NCOA7: variants seen among roughly 807,000 people sequenced by gnomAD.
NCOA7 encodes 140 kDa estrogen receptor-associated protein.
In NCOA7, 45 loss-of-function variants were observed where a neutral mutation model predicts 104.3. The ratio of observed to expected loss-of-function variants is 0.43; its 90% CI spans 0.34 to 0.55. The LOEUF is 0.55. Ranked by LOEUF, NCOA7 falls within the 20% of genes least tolerant of loss-of-function variation. NCOA7 has a pLI of 0.02. For synonymous variants in NCOA7, 398 were observed against 402.3 expected (o/e 0.99, Z 0.13); for missense variants, 1,041 against 1,119.7 (o/e 0.93, Z 1.00).
intron 1 of NCOA7, among the ~76,000 whole-genome samples, chr6:125,800,148 G>A (rs552870614): frequency 3.3e-5 from 5 of 152,250 alleles, no homozygotes; most frequent in African/African-American, 1.2e-4. Context: ...TTAAAATATT[G>A]CTTGTTTGAT....
chr6:125,844,230 A>T (rs1780404858), intron 2 of NCOA7, among the ~76,000 whole-genome samples: 1 of 152,240 alleles, frequency 6.6e-6, no homozygotes, highest in African/African-American at 2.4e-5. Context: ...ATGTGTACCC[A>T]TCTGAAGGAT....
intron 3 of NCOA7, among the ~76,000 whole-genome samples, chr6:125,873,927 TG>T (rs1783135939): frequency 6.6e-6 from 1 of 152,264 alleles, no homozygotes; most frequent in Non-Finnish European, 1.5e-5. Flanking sequence ...AGTACGGTTC[TG>T]GGGTTTCTGA....
chr6:125,802,100 C>T (rs568738399), intron 1 of NCOA7, among the ~76,000 whole-genome samples: 16 of 152,172 alleles, frequency 1.1e-4, no homozygotes, highest in African/African-American at 3.4e-4. Context: ...GTCTTGTCTC[C>T]GGGCTTTGAT....
intron 1 of NCOA7, chr6:125,798,238 T>C (rs533170085): frequency 9.8e-5 from 15 of 152,344 alleles, no homozygotes; most frequent in African/African-American, 3.1e-4. Flanking sequence ...ACTGATATAG[T>C]AGAAAGGTTA....
intron 2 of NCOA7, among the ~76,000 whole-genome samples, chr6:125,843,876 G>C (rs1780370475): frequency 6.6e-6 from 1 of 152,192 alleles, no homozygotes; most frequent in Non-Finnish European, 1.5e-5. Flanking sequence ...ACAAAGGGCT[G>C]TTTTGTTTTA....
intron 10 of NCOA7, among the ~76,000 whole-genome samples, chr6:125,896,835 T>G (rs1226924819): frequency 6.6e-6 from 1 of 152,214 alleles, no homozygotes; most frequent in Non-Finnish European, 1.5e-5. Flanking sequence ...AATATAAAAA[T>G]GTATAATACA....
intron 12 of NCOA7, 30 bp from the exon 13 acceptor site, chr6:125,922,652 C>G (rs774077428): frequency 3.1e-6 from 5 of 1,597,198 alleles, no homozygotes; most frequent in Non-Finnish European, 4.3e-6. Context: ...GGTGAACCTT[C>G]TGTTTACATC....
At chr6:125,823,836 G>A (rs1778417324) in intron 2 of NCOA7, among the ~76,000 whole-genome samples, 1 of 151,896 alleles carries the variant, frequency 6.6e-6, no homozygotes, top group Non-Finnish European at 1.5e-5. Flanking sequence ...TTTTTTAATG[G>A]AACAGAACAG....
upstream of NCOA7, among the ~76,000 whole-genome samples, chr6:125,790,174 C>T (rs1774698809): frequency 6.6e-6 from 1 of 152,196 alleles, no homozygotes; most frequent in Non-Finnish European, 1.5e-5. Context: ...AGATGGTGGG[C>T]CCCTCTGTTA....
intron 13 of NCOA7, among the ~76,000 whole-genome samples, chr6:125,924,709 TCA>T (rs1021619177): frequency 6.6e-6 from 1 of 152,138 alleles, no homozygotes; most frequent in Non-Finnish European, 1.5e-5. Flanking sequence ...CTAATTAATC[TCA>T]GTTATAACAG....
At chr6:125,927,871 G>C (rs533918211) in intron 14 of NCOA7, 113 bp downstream of exon 14, 1 of 921,174 alleles carries the variant, frequency 1.1e-6, no homozygotes, top group Non-Finnish European at 1.8e-6. Context: ...AACTGACTCC[G>C]GGCTGGGTCA....
Position 125,929,327 on chromosome 6 carries a change from C to T in NCOA7, c.*556C>T, listed in dbSNP as rs1320057100. On this transcript the variant is annotated 3_prime_UTR_variant, in exon 16 of 16. Transcript: ENST00000392477. ...GGCAGTTTTTTTTCTTTTAATGTGT[C>T]AAATCTTGAAATATTAAATGTATAC... The T allele has an allele frequency of 1.3e-5, 2 of 149,370 alleles. No homozygotes were observed. The highest frequency in any genetic ancestry group is 3.0e-5 in the Non-Finnish European group (2 of 67,564). 9.3% of individuals were successfully genotyped at this position (149,370 alleles called of 1,614,324 possible).
chr6:125,913,926 T>A (rs1180436407), intron 10 of NCOA7, among the ~76,000 whole-genome samples: 1 of 152,140 alleles, frequency 6.6e-6, no homozygotes, highest in Non-Finnish European at 1.5e-5. Context: ...GGAACGCAAA[T>A]GGAGTCAGGT....
intron 2 of NCOA7, among the ~76,000 whole-genome samples, chr6:125,819,575 A>G (rs1478388011): frequency 1.3e-5 from 2 of 152,220 alleles, no homozygotes; most frequent in Admixed American, 6.5e-5. Context: ...CAAAATTAGT[A>G]TATGTCTATA....
Position 125,930,360 on chromosome 6 carries a change from TAATAAC to T in NCOA7, c.*1595_*1600del, listed in dbSNP as rs1045467003. The T allele has an allele frequency of 7.3e-4, 111 of 152,612 alleles. 1 individual carries two copies. Among genetic ancestry groups the T allele is most frequent in the African/African-American group, 2.6e-3 (110 of 41,524 alleles). 9.5% of individuals were successfully genotyped at this position (152,612 alleles called of 1,614,324 possible). On this transcript the variant is annotated 3_prime_UTR_variant, in exon 16 of 16. Coordinates refer to ENST00000392477, the MANE Select transcript of NCOA7 (RefSeq NM_181782.5). Reference sequence around the variant, plus strand: ...TAACAGCGAGACTCTGTCTTAAAAATAATAACAATAATAATAATAATAAAGACTTAC... The same window carrying T: ...TAACAGCGAGACTCTGTCTTAAAAATAATAATAATAATAATAAAGACTTAC...
At chr6:125,888,779 A>AT (rs1401390460) in intron 8 of NCOA7, among the ~76,000 whole-genome samples, 160 bp from the exon 9 acceptor site, 1 of 151,850 alleles carries the variant, frequency 6.6e-6, no homozygotes, top group Admixed American at 6.6e-5. Context: ...TCTTGATTTT[A>AT]TTTTTTTATT....
At chr6:125,901,548 G>A (rs766630815) in intron 10 of NCOA7, among the ~76,000 whole-genome samples, 1 of 152,180 alleles carries the variant, frequency 6.6e-6, no homozygotes. Context: ...GAGCTGGGGC[G>A]GGTGCCTTTG....
At position 125,890,682 on chromosome 6, in the gene NCOA7, C is replaced by T. The variant is rs1332928564; in HGVS notation, c.1968C>T (p.Pro656=). 5 of 1,613,518 alleles carry T rather than the reference C, an allele frequency of 3.1e-6. No individual in the cohort carries two copies. In the African/African-American group the frequency reaches 5.3e-5, roughly 17 times the overall value. The change falls in exon 10 of 16, where the codon CCC becomes CCT. Residue 656 remains proline (P), a synonymous_variant. Coordinates refer to ENST00000392477, the MANE Select transcript of NCOA7 (RefSeq NM_181782.5). The stretch of plus-strand genomic sequence containing the variant: ...AAGAAGAAAAAAGCAAGACCCCACC[C>T]ATGTTCCTGTGCATCAAAGTGGGAA... ...PSKEEKSKTP[P]MFLCIKVGKP... is the part of the protein sequence containing the mutation.
rs543713556 is a variant in NCOA7 at position 125,922,671 on chromosome 6, T to G, written c.2371-11T>G. 1 of 1,609,622 alleles carries G rather than the reference T, an allele frequency of 6.2e-7. No individual in the cohort carries two copies. The highest frequency in any genetic ancestry group is 1.3e-5 in the African/African-American group (1 of 74,884). On this transcript the variant is annotated splice_polypyrimidine_tract_variant and intron_variant, in intron 12 of 15. Coordinates refer to ENST00000392477, the MANE Select transcript of NCOA7 (RefSeq NM_181782.5). ...AACCTTCTGTTTACATCTCTTCCTT[T>G]GGCTTTGTAGCTGGCCCGACGCCTT...
Sources: gnomAD v4.1 joint callset for allele counts (sites outside exome capture counted in the v4.1 genomes callset) on GRCh38, gnomAD v4.1.1 for gene constraint, MANE v1.5 for transcripts, NCBI Gene and HGNC (gene_info 2026-07-23, HGNC 2026-07-21) for gene names.